Variants in SAMD7 observed in about 807,000 individuals in gnomAD.
SAMD7 encodes sterile alpha motif domain-containing protein 7.
In SAMD7, 34 loss-of-function variants were observed where a neutral mutation model predicts 36.7. That is an observed-to-expected ratio of 0.93 (90% CI 0.71 to 1.23). SAMD7 has a LOEUF of 1.23. Among genes scored for constraint, SAMD7 ranks in the 50% most tolerant of loss-of-function variants. The pLI, the probability that SAMD7 is intolerant of heterozygous loss-of-function variation, is 0.00. For synonymous variants in SAMD7, 188 were observed against 189.7 expected, an observed-to-expected ratio of 0.99 and a Z score of 0.07; for missense variants, 570 against 546.6, an observed-to-expected ratio of 1.04 and a Z score of -0.43.
At chr3:169,934,527 A>C (rs181990313) in intron 7 of SAMD7, among the ~76,000 whole-genome samples, 11 of 152,288 alleles carry the variant, frequency 7.2e-5, no homozygotes, top group Non-Finnish European at 1.2e-4. Context: ...GGGGGTAGGA[A>C]AGATAGTCTG....
chr3:169,923,607 T>C (rs190003004), intron 4 of SAMD7, among the ~76,000 whole-genome samples: 7 of 152,258 alleles, frequency 4.6e-5, no homozygotes, highest in Admixed American at 4.6e-4. Context: ...CCAGGTGTGG[T>C]GTCACATGCC....
intron 8 of SAMD7, among the ~76,000 whole-genome samples, chr3:169,938,037 G>A (rs777171120): frequency 1.3e-4 from 20 of 152,124 alleles, no homozygotes; most frequent in Non-Finnish European, 2.2e-4. Flanking sequence ...CACCATTACC[G>A]TCCTGACCTC....
At chr3:169,926,162 A>G in intron 5 of SAMD7, 3 of 652,610 alleles carry the variant, frequency 4.6e-6, no homozygotes, top group Non-Finnish European at 7.3e-6. Context: ...AAATATTGAG[A>G]CTTGCAATGT....
chr3:169,913,750 A>G lies in SAMD7; in HGVS notation c.-116-1617A>G, dbSNP rs529486178. 3.0e-4 allele frequency among the ~76,000 whole-genome samples: 45 copies of G among 152,330 alleles called. No homozygotes were observed. The South Asian group carries it at 3.9e-3, about 13-fold the overall frequency. On this transcript the variant is annotated intron_variant, in intron 1 of 8. Transcript: ENST00000335556. ...CTACTGCAAAGTGACCTTAGTTTAC[A>G]ATTTGTCTACATGTGTCTAAAATAG...
chr3:169,933,290 A>G (rs1713589455), intron 7 of SAMD7: 1 of 446,860 alleles, frequency 2.2e-6, no homozygotes, highest in Non-Finnish European at 4.2e-6. Flanking sequence ...AAGCAGCACA[A>G]TCAATTCCAA....
rs570718458 is a variant in SAMD7, at chr3:169,924,915, T to TA, written c.212-142dup. 2.0e-4 allele frequency: 116 copies of TA among 579,000 alleles called. No individual in the cohort carries two copies. The African/African-American group carries it at 2.0e-3, about 10-fold the overall frequency. 35.9% of individuals were successfully genotyped at this position (579,000 alleles called of 1,614,324 possible). A position where few individuals can be genotyped will look rare whatever the true frequency, so the allele number is the denominator to read the frequency against. The stretch of plus-strand genomic sequence containing the variant: ...AAGATACCGAACTGCAATGATCTGA[T>TA]ACCATTTCCAAAATTGTGCGCAATT... On this transcript the variant is annotated intron_variant, in intron 4 of 8. Coordinates refer to ENST00000335556, the MANE Select transcript of SAMD7 (RefSeq NM_001304366.2).
rs770358727 is a variant in SAMD7, at chr3:169,926,998, A to G, written c.736A>G (p.Thr246Ala). 6.2e-7 allele frequency: 1 copy of G among 1,613,944 alleles called. No homozygotes were observed. The highest frequency in any genetic ancestry group is 8.5e-7 in the Non-Finnish European group (1 of 1,179,970). ...AAGTGAAACGAATGAAAAGCCAACG[A>G]CAGCTCTTGCCAACACCTGTGGAGA... ...KSSETNEKPTTALANTCGELE... is the reference protein window; with the variant it reads ...KSSETNEKPTAALANTCGELE... Residue 246 changes from threonine (T) to alanine (A), a missense_variant, in exon 6 of 9, where the codon ACA becomes GCA. By Grantham distance (58) the Thr-to-Ala change is moderately conservative. Coordinates refer to ENST00000335556, the MANE Select transcript of SAMD7 (RefSeq NM_001304366.2).
intron 7 of SAMD7, among the ~76,000 whole-genome samples, chr3:169,930,504 C>A (rs987044732): frequency 2.0e-5 from 3 of 152,030 alleles, no homozygotes; most frequent in African/African-American, 7.3e-5. Context: ...TGCTTGTACC[C>A]CACTCTCACA....
chr3:169,933,716 C>T (rs1713608330), intron 7 of SAMD7, among the ~76,000 whole-genome samples: 1 of 152,230 alleles, frequency 6.6e-6, no homozygotes, highest in Admixed American at 6.5e-5. Flanking sequence ...TTTAGCTGGT[C>T]CTGAGTCATG....
intron 8 of SAMD7, 85 bp downstream of exon 8, chr3:169,936,534 A>G (rs941750453): frequency 2.6e-6 from 2 of 770,634 alleles, no homozygotes; most frequent in African/African-American, 1.8e-5. Context: ...TGTAATATAA[A>G]TAATACTTAT....
At chr3:169,921,440 C>T (rs1033927673) in intron 4 of SAMD7, 102 bp downstream of exon 4, 54 of 1,205,428 alleles carry the variant, frequency 4.5e-5, no homozygotes, top group Non-Finnish European at 6.4e-5. Context: ...GGAGGCAGAT[C>T]TGTGTGGTGG....
chr3:169,928,544 T>C lies in SAMD7; in HGVS notation c.1007T>C (p.Ile336Thr), dbSNP rs1713365312. 1.2e-6 allele frequency: 2 copies of C among 1,614,036 alleles called. No individual in the cohort carries two copies. Among genetic ancestry groups the C allele is most frequent in the African/African-American group, 2.7e-5 (2 of 74,942 alleles). ...ACCGTGGATGATGTGCACAGCTTCA[T>C]TCGCAGCCTTCCAGGTTGTTCAGAC... The part of the protein sequence containing the change: ...KWTVDDVHSF[I>T]RSLPGCSDYA... The change falls in exon 7 of 9, where the codon ATT (isoleucine) becomes ACT (threonine). Residue 336 changes from isoleucine (I) to threonine (T), a missense_variant. Transcript: ENST00000335556.
At chr3:169,913,165 A>G (rs1347993389) in intron 1 of SAMD7, among the ~76,000 whole-genome samples, 1 of 152,222 alleles carries the variant, frequency 6.6e-6, no homozygotes, top group African/African-American at 2.4e-5. Flanking sequence ...TACTTTTCAC[A>G]TACAAAAACT....
At chr3:169,930,493 C>T (rs1005448870) in intron 7 of SAMD7, among the ~76,000 whole-genome samples, 1 of 151,990 alleles carries the variant, frequency 6.6e-6, no homozygotes, top group African/African-American at 2.4e-5. Context: ...TGAAGCAGCA[C>T]TGCTTGTACC....
intron 4 of SAMD7, among the ~76,000 whole-genome samples, chr3:169,924,485 G>A (rs1713174001): frequency 6.6e-6 from 1 of 152,126 alleles, no homozygotes; most frequent in African/African-American, 2.4e-5. Flanking sequence ...TACTTGGGAG[G>A]CTGAGGCAGG....
At position 169,914,766 on chromosome 3, in the gene SAMD7, C is replaced by CA. The variant is rs548032548; in HGVS notation, c.-116-590dup. On this transcript the variant is annotated intron_variant, in intron 1 of 8. Transcript: ENST00000335556. ...ATTTCACATAACTTGTGACTAATGGCAAAAAAAAAAATCCTGCTGTTTTGT... is the reference window on the plus strand; with the variant it reads ...ATTTCACATAACTTGTGACTAATGGCAAAAAAAAAAAATCCTGCTGTTTTGT... 6.5e-4 allele frequency among the ~76,000 whole-genome samples: 95 copies of CA among 146,216 alleles called. 1 individual carries two copies. In the East Asian group the frequency reaches 6.7e-3, roughly 10 times the overall value.
At chr3:169,926,461 G>A in intron 5 of SAMD7, 92 bp from the exon 6 acceptor site, 1 of 1,323,438 alleles carries the variant, frequency 7.6e-7, no homozygotes, top group Non-Finnish European at 1.0e-6. Flanking sequence ...GATAAACAGT[G>A]TGAGGACTAT....
chr3:169,926,457 C>T lies in SAMD7; in HGVS notation c.291-96C>T, dbSNP rs1226708067. ...TTCCACCAAACAAACTTCAGATAAACAGTGTGAGGACTATTTTAGGGAAGA... is the reference window on the plus strand; with the variant it reads ...TTCCACCAAACAAACTTCAGATAAATAGTGTGAGGACTATTTTAGGGAAGA... On this transcript the variant is annotated intron_variant, in intron 5 of 8. Coordinates refer to ENST00000335556, the MANE Select transcript of SAMD7 (RefSeq NM_001304366.2). 3 of 1,297,048 alleles carry T rather than the reference C, an allele frequency of 2.3e-6. No homozygotes were observed. In the African/African-American group the frequency reaches 4.5e-5, roughly 19 times the overall value. 80.3% of individuals were successfully genotyped at this position (1,297,048 alleles called of 1,614,324 possible). A position where few individuals can be genotyped will look rare whatever the true frequency, so the allele number is the denominator to read the frequency against.
intron 7 of SAMD7, among the ~76,000 whole-genome samples, chr3:169,930,226 C>G (rs1327697812): frequency 6.6e-6 from 1 of 152,204 alleles, no homozygotes; most frequent in Non-Finnish European, 1.5e-5. Context: ...ACTCTGCTGA[C>G]TCATTATCTC....
Sources: gnomAD v4.1 joint callset for allele counts (sites outside exome capture counted in the v4.1 genomes callset) on GRCh38, gnomAD v4.1.1 for gene constraint, MANE v1.5 for transcripts, NCBI Gene and HGNC (gene_info 2026-07-23, HGNC 2026-07-21) for gene names.